The following TRPC4 variants were observed in gnomAD, a reference collection of about 807,000 sequenced individuals.
TRPC4 encodes transient receptor potential cation channel subfamily C member 4, also known as short transient receptor potential channel 4.
Under a neutral mutation model 99.4 loss-of-function variants are expected in TRPC4, and 49 were observed. The observed-to-expected ratio is 0.49, with a 90% CI of 0.39 to 0.63. The LOEUF (loss-of-function observed/expected upper bound fraction) is 0.63. Among genes scored for constraint, TRPC4 ranks in the 20% least tolerant of loss-of-function variants. TRPC4 has a pLI of 0.00. For synonymous variants in TRPC4, 454 were observed against 425.9 expected, an observed-to-expected ratio of 1.07 and a Z score of -0.81; for missense variants, 898 against 1,152.9, an observed-to-expected ratio of 0.78 and a Z score of 3.20.
At chr13:37,650,636 T>TCAC (rs1952017170) in intron 8 of TRPC4, among the ~76,000 whole-genome samples, 1 of 141,564 alleles carries the variant, frequency 7.1e-6, no homozygotes, top group African/African-American at 2.6e-5. Flanking sequence ...CACACACACA[T>TCAC]ATATATATAT....
chr13:37,726,830 TTAAA>T (rs1466851858), intron 3 of TRPC4, among the ~76,000 whole-genome samples: 1 of 151,730 alleles, frequency 6.6e-6, no homozygotes, highest in East Asian at 1.9e-4. Context: ...AAAATAGATT[TTAAA>T]TAAAAAAGGT....
Position 37,770,579 on chromosome 13 carries a change from T to C in TRPC4, c.378+12377A>G, listed in dbSNP as rs147744830. On this transcript the variant is annotated intron_variant, in intron 2 of 10. Transcript: ENST00000379705. ...AGCACCAAATGGAATAAGCTAGATC[T>C]ATACTTTCTTAAGGCTGGTAATTTA... Among the ~76,000 whole-genome samples the C allele has an allele frequency of 7.9e-5, 12 of 151,710 alleles. No individual in the cohort carries two copies. The East Asian group carries it at 2.3e-3, about 30-fold the overall frequency.
Position 37,739,127 on chromosome 13 carries a change from G to A in TRPC4, c.897+6810C>T, listed in dbSNP as rs1955501526. On this transcript the variant is annotated intron_variant, in intron 3 of 10. Transcript: ENST00000379705. ...AGAAAAACCGACATTTGCAATAAAG[G>A]AATGTTTCTACCATACAAAAGAGAA... 2.6e-5 allele frequency among the ~76,000 whole-genome samples: 4 copies of A among 152,242 alleles called. 1 individual carries two copies. The Middle Eastern group carries it at 0.014, about 518-fold the overall frequency.
intron 3 of TRPC4, among the ~76,000 whole-genome samples, chr13:37,700,375 T>C (rs1012533969): frequency 1.2e-4 from 19 of 152,166 alleles, no homozygotes; most frequent in Non-Finnish European, 1.3e-4. Flanking sequence ...CAGTCTCTAA[T>C]GAGCCACTGA....
chr13:37,697,721 T>C (rs1953955784), intron 3 of TRPC4, among the ~76,000 whole-genome samples: 1 of 152,156 alleles, frequency 6.6e-6, no homozygotes. Context: ...AGATGGAGAA[T>C]ATCAGGCCCC....
intron 2 of TRPC4, among the ~76,000 whole-genome samples, chr13:37,763,779 T>C (rs1204020979): frequency 6.6e-6 from 1 of 151,692 alleles, no homozygotes; most frequent in African/African-American, 2.4e-5. Flanking sequence ...TCACAAAGGA[T>C]GAGGGTCAGA....
At chr13:37,733,676 T>C (rs775605699) in intron 3 of TRPC4, among the ~76,000 whole-genome samples, 13 of 152,098 alleles carry the variant, frequency 8.5e-5, no homozygotes, top group Non-Finnish European at 1.5e-4. Context: ...TATGACCTAG[T>C]CTTTGTGTTT....
At chr13:37,846,683 A>T (rs928028814) in intron 1 of TRPC4, among the ~76,000 whole-genome samples, 2 of 151,956 alleles carry the variant, frequency 1.3e-5, no homozygotes, top group Admixed American at 6.6e-5. Flanking sequence ...AAAACAAATT[A>T]AAAAATGCCA....
intron 1 of TRPC4, among the ~76,000 whole-genome samples, chr13:37,865,701 TG>T (rs1457795287): frequency 5.3e-5 from 8 of 151,752 alleles, no homozygotes; most frequent in Non-Finnish European, 1.0e-4. Flanking sequence ...AAAAGATTAT[TG>T]ATTGTATTTT....
intron 3 of TRPC4, among the ~76,000 whole-genome samples, chr13:37,729,343 G>A (rs541268035): frequency 2.0e-5 from 3 of 152,158 alleles, no homozygotes; most frequent in South Asian, 4.1e-4. Flanking sequence ...TTGTAGGTGA[G>A]GATGTGGAGA....
chr13:37,640,330 A>G (rs1951680556), intron 8 of TRPC4, among the ~76,000 whole-genome samples: 2 of 152,152 alleles, frequency 1.3e-5, no homozygotes, highest in South Asian at 4.1e-4. Flanking sequence ...CTGTGCCTAC[A>G]TCACTGTGAA....
rs1593511713 is a variant in TRPC4 at position 37,686,696 on chromosome 13, T to A, written c.1234+5303A>T. 2.0e-5 allele frequency among the ~76,000 whole-genome samples: 3 copies of A among 152,300 alleles called. No homozygotes were observed. In the East Asian group the frequency reaches 5.8e-4, roughly 29 times the overall value. On this transcript the variant is annotated intron_variant, in intron 4 of 10. Coordinates refer to ENST00000379705, the MANE Select transcript of TRPC4 (RefSeq NM_016179.4). ...TTATAGGCAAGTTGCATAATCTGGC[T>A]ATTATGAGCAATTCTTACTTTATGC...
At chr13:37,744,108 T>C (rs1955672064) in intron 3 of TRPC4, among the ~76,000 whole-genome samples, 2 of 152,156 alleles carry the variant, frequency 1.3e-5, no homozygotes. Flanking sequence ...AGTGAACAGC[T>C]ATGGCATAAG....
chr13:37,808,119 A>T (rs942054016), intron 1 of TRPC4, among the ~76,000 whole-genome samples: 2 of 152,092 alleles, frequency 1.3e-5, no homozygotes, highest in Non-Finnish European at 2.9e-5. Context: ...GAACATAACT[A>T]TGAAGGAAAT....
chr13:37,822,119 A>G (rs1024962857), intron 1 of TRPC4, among the ~76,000 whole-genome samples: 4 of 152,142 alleles, frequency 2.6e-5, no homozygotes, highest in Non-Finnish European at 5.9e-5. Context: ...GAAATAAACA[A>G]ACAACCCCAT....
intron 8 of TRPC4, among the ~76,000 whole-genome samples, chr13:37,642,043 T>C (rs1951730123): frequency 6.6e-6 from 1 of 152,190 alleles, no homozygotes; most frequent in South Asian, 2.1e-4. Context: ...TTGCATGATT[T>C]TGATGGTAAT....
At chr13:37,812,655 T>C (rs1012871278) in intron 1 of TRPC4, among the ~76,000 whole-genome samples, 11 of 152,086 alleles carry the variant, frequency 7.2e-5, no homozygotes, top group African/African-American at 2.7e-4. Flanking sequence ...CCCTAATATA[T>C]ATTTAATTAG....
chr13:37,786,033 A>C (rs1182967596), intron 1 of TRPC4, among the ~76,000 whole-genome samples: 1 of 152,032 alleles, frequency 6.6e-6, no homozygotes, highest in Non-Finnish European at 1.5e-5. Context: ...TAGGTAATCT[A>C]TTTCTCTATC....
At chr13:37,770,255 C>A (rs939173869) in intron 2 of TRPC4, among the ~76,000 whole-genome samples, 1 of 151,336 alleles carries the variant, frequency 6.6e-6, no homozygotes, top group African/African-American at 2.4e-5. Context: ...GGTAAATTTC[C>A]TCAACTTCTC....
Sources: allele counts gnomAD v4.1 joint callset (sites outside exome capture counted in the v4.1 genomes callset), GRCh38; gene constraint gnomAD v4.1.1; transcripts MANE v1.5; gene names NCBI Gene and HGNC (gene_info 2026-07-23, HGNC 2026-07-21).